FEZ1: variants seen among roughly 807,000 people sequenced by gnomAD.
FEZ1 encodes fasciculation and elongation protein zeta 1, also known as fasciculation and elongation protein zeta-1.
FEZ1 carries 20 observed loss-of-function variants against 49.3 expected under a neutral mutation model. That is an observed-to-expected ratio of 0.41 (90% confidence interval 0.29 to 0.59). The LOEUF (loss-of-function observed/expected upper bound fraction) is 0.59, where lower values mean the gene tolerates loss of function less well. Ranked by LOEUF, FEZ1 falls within the 20% of genes least tolerant of loss-of-function variation. The pLI, the probability that FEZ1 is intolerant of heterozygous loss-of-function variation, is 0.36. For missense variants in FEZ1, 413 were observed against 476.0 expected, an observed-to-expected ratio of 0.87 and a Z score of 1.23; for synonymous variants, 170 against 180.9, an observed-to-expected ratio of 0.94 and a Z score of 0.48.
intron 2 of FEZ1, among the ~76,000 whole-genome samples, chr11:125,486,646 C>T (rs1232365285): frequency 6.6e-6 from 1 of 152,180 alleles, no homozygotes; most frequent in African/African-American, 2.4e-5. Flanking sequence ...AAGTATTTCC[C>T]TGCTTTTGTT....
In FEZ1 at chr11:125,444,846, TTCC is replaced by T. The variant is rs1026199673; in HGVS notation, c.*1246_*1248del. Among the ~76,000 whole-genome samples the T allele has an allele frequency of 6.6e-6, 1 of 152,222 alleles. No individual in the cohort carries two copies. Among genetic ancestry groups the T allele is most frequent in the Non-Finnish European group, 1.5e-5 (1 of 68,032 alleles). ...CTACTGAACATCTCTGCTGCTTGGT[TTCC>T]TCCTCTGCAAAATCGGGATCATACT... is the stretch of plus-strand genomic sequence containing the variant. On this transcript the variant is annotated 3_prime_UTR_variant, in exon 10 of 10. Transcript: ENST00000278919.
At chr11:125,457,425 A>T (rs1391482176) in intron 5 of FEZ1, among the ~76,000 whole-genome samples, 223 of 32,654 alleles carry the variant, frequency 6.8e-3, no homozygotes, top group African/African-American at 0.022. Context: ...AAAAAAAAAA[A>T]AAAAATATAT....
chr11:125,488,998 T>C, intron 2 of FEZ1: 1 of 985,804 alleles, frequency 1.0e-6, no homozygotes. Context: ...TATGTGGACA[T>C]ATCCTAACAT....
Position 125,454,125 on chromosome 11 carries a change from C to CA in FEZ1, c.1020+4_1020+5insT. On this transcript the variant is annotated splice_donor_region_variant and intron_variant, in intron 7 of 9. Coordinates refer to ENST00000278919, the MANE Select transcript of FEZ1 (RefSeq NM_005103.5). The stretch of plus-strand genomic sequence containing the variant: ...GAGAGCTTGGAGCAGGGAGACTACG[C>CA]GTACCTGTTTGTCAGTTCCTGAGGA... 1 of 1,609,804 alleles carries CA rather than the reference C, an allele frequency of 6.2e-7. No individual in the cohort carries two copies. The highest frequency in any genetic ancestry group is 1.7e-5 in the Admixed American group (1 of 59,824).
chr11:125,483,471 T>A (rs933834144), intron 2 of FEZ1, among the ~76,000 whole-genome samples: 2 of 152,218 alleles, frequency 1.3e-5, no homozygotes, highest in Admixed American at 6.5e-5. Context: ...AAACCATGGG[T>A]GATACCCTAA....
At chr11:125,474,240 G>A (rs960370976) in intron 3 of FEZ1, among the ~76,000 whole-genome samples, 54 of 141,842 alleles carry the variant, frequency 3.8e-4, no homozygotes, top group Admixed American at 2.0e-3. Flanking sequence ...GGGTTTCACC[G>A]TGTTAGCCAG....
chr11:125,479,042 G>A (rs1957257214), intron 3 of FEZ1, among the ~76,000 whole-genome samples: 1 of 152,180 alleles, frequency 6.6e-6, no homozygotes, highest in African/African-American at 2.4e-5. Flanking sequence ...AGCATTACAA[G>A]AGAACATGCA....
rs1956883925 is a variant in FEZ1, at chr11:125,444,627, G to A, written c.*1468C>T. Among the ~76,000 whole-genome samples the A allele has an allele frequency of 6.6e-6, 1 of 151,998 alleles. No homozygotes were observed. Among genetic ancestry groups the A allele is most frequent in the Non-Finnish European group, 1.5e-5 (1 of 67,974 alleles). ...GGCCCAGGAAGGGAGGCAGGGCACT[G>A]GGAGTGCCTTCTGTGTCCCCTAGAT... is the stretch of plus-strand genomic sequence containing the variant. On this transcript the variant is annotated 3_prime_UTR_variant, in exon 10 of 10. Coordinates refer to ENST00000278919, the MANE Select transcript of FEZ1 (RefSeq NM_005103.5).
intron 1 of FEZ1, among the ~76,000 whole-genome samples, chr11:125,493,037 G>T (rs1957396415): frequency 6.6e-6 from 1 of 151,168 alleles, no homozygotes; most frequent in Non-Finnish European, 1.5e-5. Context: ...ATAGAAATGT[G>T]ATGTGGGGGC....
At chr11:125,469,068 C>T (rs1400074886) in intron 3 of FEZ1, 1 of 152,292 alleles carries the variant, frequency 6.6e-6, no homozygotes, top group Non-Finnish European at 1.5e-5. Context: ...CTCTGGCCTC[C>T]TTCCCTGAGT....
At chr11:125,467,718 T>C (rs1957144587) in intron 3 of FEZ1, among the ~76,000 whole-genome samples, 1 of 152,144 alleles carries the variant, frequency 6.6e-6, no homozygotes, top group East Asian at 1.9e-4. Context: ...TGCACACCTG[T>C]AGTCCCAGCT....
At chr11:125,481,244 C>A (rs916292712) in intron 3 of FEZ1, among the ~76,000 whole-genome samples, 1 of 151,946 alleles carries the variant, frequency 6.6e-6, no homozygotes, top group East Asian at 1.9e-4. Context: ...ACCTCCTAGG[C>A]TCAAGCAATC....
chr11:125,468,062 G>T (rs2135758785), intron 3 of FEZ1, among the ~76,000 whole-genome samples: 1 of 152,216 alleles, frequency 6.6e-6, no homozygotes, highest in Admixed American at 6.5e-5. Context: ...AAATTATTTT[G>T]ACCTAAAAAT....
intron 8 of FEZ1, among the ~76,000 whole-genome samples, chr11:125,452,131 A>T (rs151276202): frequency 2.0e-5 from 3 of 152,300 alleles, no homozygotes; most frequent in Non-Finnish European, 4.4e-5. Context: ...GAACCAGGAG[A>T]AAGAAAAAAC....
At chr11:125,451,594 T>A (rs2135738215) in intron 8 of FEZ1, 1 of 152,316 alleles carries the variant, frequency 6.6e-6, no homozygotes. Context: ...GGAATTTCCC[T>A]CGTGATCCTC....
intron 3 of FEZ1, among the ~76,000 whole-genome samples, chr11:125,474,725 TA>T (rs1957214890): frequency 6.6e-6 from 1 of 151,486 alleles, no homozygotes; most frequent in African/African-American, 2.4e-5. Flanking sequence ...CCGTCTCTAC[TA>T]AAAATACAAA....
chr11:125,454,237 G>C lies in FEZ1; in HGVS notation c.940-27C>G, dbSNP rs753483898. ...TGTGGGGGAGAGAGACTCAAGAAGG[G>C]CAAATGCTTCTTGCTACACTGTCAC... On this transcript the variant is annotated intron_variant, in intron 6 of 9. Coordinates refer to ENST00000278919, the MANE Select transcript of FEZ1 (RefSeq NM_005103.5). The C allele has an allele frequency of 3.2e-6, 5 of 1,569,138 alleles. No individual in the cohort carries two copies. The East Asian group carries it at 9.0e-5, about 28-fold the overall frequency.
chr11:125,448,641 C>T, intron 8 of FEZ1, 74 bp from the exon 9 acceptor site: 1 of 905,280 alleles, frequency 1.1e-6, no homozygotes, highest in Non-Finnish European at 1.9e-6. Flanking sequence ...ACATGACCCA[C>T]CAGCCCAGAG....
chr11:125,457,424 A>AT (rs1565533354), intron 5 of FEZ1, among the ~76,000 whole-genome samples: 48 of 41,062 alleles, frequency 1.2e-3, no homozygotes, highest in African/African-American at 3.4e-3. Context: ...AAAAAAAAAA[A>AT]AAAAAATATA....
Sources: gnomAD v4.1 joint callset for allele counts (sites outside exome capture counted in the v4.1 genomes callset) on GRCh38, gnomAD v4.1.1 for gene constraint, MANE v1.5 for transcripts, NCBI Gene and HGNC (gene_info 2026-07-23, HGNC 2026-07-21) for gene names.